ZNF438: variants seen among roughly 807,000 people sequenced by gnomAD.
The protein encoded by ZNF438 is zinc finger protein 438.
A neutral mutation model predicts 38.0 loss-of-function variants in ZNF438; 25 were observed. The ratio of observed to expected loss-of-function variants is 0.66; its 90% CI spans 0.48 to 0.92. ZNF438 has a LOEUF of 0.92. ZNF438 is among the 40% of genes least tolerant of loss of function. The pLI is 0.00. For synonymous variants in ZNF438, 372 were observed against 364.1 expected, an observed-to-expected ratio of 1.02 and a Z score of -0.25; for missense variants, 1,007 against 999.6, an observed-to-expected ratio of 1.01 and a Z score of -0.10.
intron 1 of ZNF438, among the ~76,000 whole-genome samples, chr10:31,026,826 G>C (rs996013861): frequency 2.6e-5 from 4 of 152,062 alleles, no homozygotes; most frequent in African/African-American, 9.7e-5. Context: ...CAATAGCAAA[G>C]ACTTGGAACC....
chr10:30,910,683 C>CAAAAA (rs11375197), intron 2 of ZNF438, among the ~76,000 whole-genome samples: 2 of 89,764 alleles, frequency 2.2e-5, no homozygotes, highest in South Asian at 4.4e-4. Context: ...GTATATTGGC[C>CAAAAA]AAAAAAAAAA....
chr10:30,850,475 T>TG, intron 4 of ZNF438, 108 bp from the exon 6 acceptor site: 1 of 1,303,954 alleles, frequency 7.7e-7, no homozygotes, highest in African/African-American at 1.5e-5. Context: ...TTCCTTGACC[T>TG]ACCTCCAAGC....
intron 1 of ZNF438, among the ~76,000 whole-genome samples, chr10:30,983,190 G>A (rs1032163427): frequency 1.3e-5 from 2 of 152,222 alleles, no homozygotes; most frequent in Non-Finnish European, 2.9e-5. Flanking sequence ...CAAAGAGAAA[G>A]CCTGTAACCA....
At chr10:31,023,074 C>T (rs2056715655) in intron 1 of ZNF438, among the ~76,000 whole-genome samples, 1 of 152,186 alleles carries the variant, frequency 6.6e-6, no homozygotes, top group Non-Finnish European at 1.5e-5. Flanking sequence ...ATAAATGGTA[C>T]TATGATCTAA....
At chr10:30,885,982 A>G (rs560630986) in intron 3 of ZNF438, among the ~76,000 whole-genome samples, 2 of 152,324 alleles carry the variant, frequency 1.3e-5, no homozygotes, top group South Asian at 4.1e-4. Context: ...TAGGACCAGT[A>G]AGGAAGACAA....
chr10:31,016,889 A>C (rs746208558), intron 1 of ZNF438, among the ~76,000 whole-genome samples: 1 of 152,164 alleles, frequency 6.6e-6, no homozygotes, highest in Non-Finnish European at 1.5e-5. Context: ...TGAAATAGTC[A>C]TCTCCTTTCT....
intron 1 of ZNF438, among the ~76,000 whole-genome samples, chr10:30,970,833 C>T (rs2050662452): frequency 6.6e-6 from 1 of 152,214 alleles, no homozygotes; most frequent in African/African-American, 2.4e-5. Context: ...ATAGGCTTTT[C>T]AAACCATTAA....
At chr10:30,881,179 A>C (rs1220140795) in intron 3 of ZNF438, among the ~76,000 whole-genome samples, 1 of 152,222 alleles carries the variant, frequency 6.6e-6, no homozygotes, top group Admixed American at 6.5e-5. Context: ...CAGATTGTGA[A>C]GCAAGACTTA....
At chr10:30,896,649 G>C (rs1192674527) in intron 3 of ZNF438, among the ~76,000 whole-genome samples, 1 of 152,118 alleles carries the variant, frequency 6.6e-6, no homozygotes. Flanking sequence ...GGGGGATATG[G>C]GGTTGTGGGG....
rs1292606830 is a variant in ZNF438, at chr10:30,960,699, C to T, written c.-191-19048G>A. 2.7e-5 allele frequency among the ~76,000 whole-genome samples: 4 copies of T among 146,772 alleles called. No individual in the cohort carries two copies. The East Asian group carries it at 7.7e-4, about 28-fold the overall frequency. ...TTTGAAATGGGGATGTATAAATCCT[C>T]CAATTTTGTTCTTTTACTCATTTAT... On this transcript the variant is annotated intron_variant, in intron 1 of 5. Coordinates refer to ENST00000413025, the Ensembl canonical transcript of ZNF438.
intron 2 of ZNF438, chr10:30,923,506 T>A (rs113279888): frequency 6.6e-5 from 10 of 152,356 alleles, no homozygotes; most frequent in African/African-American, 2.2e-4. Flanking sequence ...GAGGTAAGAA[T>A]CCACTTTCCA....
intron 2 of ZNF438, among the ~76,000 whole-genome samples, chr10:30,910,671 T>A (rs1260083047): frequency 7.1e-6 from 1 of 141,612 alleles, no homozygotes; most frequent in Non-Finnish European, 1.5e-5. Flanking sequence ...GAATCTTTAT[T>A]TGTATATTGG....
chr10:30,960,385 A>G (rs566820986), intron 1 of ZNF438, among the ~76,000 whole-genome samples: 1 of 147,414 alleles, frequency 6.8e-6, no homozygotes, highest in Admixed American at 6.8e-5. Flanking sequence ...GCTTTCTTTT[A>G]GAAGTTTTAT....
At chr10:30,905,654 A>G (rs1265648411) in intron 3 of ZNF438, among the ~76,000 whole-genome samples, 3 of 152,204 alleles carry the variant, frequency 2.0e-5, no homozygotes, top group African/African-American at 7.2e-5. Context: ...TACTTTTGGT[A>G]TCAATCTAAG....
chr10:30,861,786 A>T (rs1343415475), intron 4 of ZNF438, among the ~76,000 whole-genome samples: 1 of 152,212 alleles, frequency 6.6e-6, no homozygotes, highest in Non-Finnish European at 1.5e-5. Flanking sequence ...ATTTAGAAAG[A>T]TAAAGTTGTT....
chr10:30,887,683 C>CG (rs1329253553), intron 3 of ZNF438, among the ~76,000 whole-genome samples: 1 of 152,170 alleles, frequency 6.6e-6, no homozygotes, highest in Admixed American at 6.5e-5. Context: ...CCACCGCGCC[C>CG]GGCCTAAACT....
chr10:30,983,224 AC>A (rs1202695259), intron 1 of ZNF438, among the ~76,000 whole-genome samples: 1 of 152,222 alleles, frequency 6.6e-6, no homozygotes, highest in South Asian at 2.1e-4. Context: ...GTCCGCAAAC[AC>A]CATGCCCATT....
At chr10:30,978,113 T>C (rs1345331122) in intron 1 of ZNF438, among the ~76,000 whole-genome samples, 1 of 152,120 alleles carries the variant, frequency 6.6e-6, no homozygotes, top group African/African-American at 2.4e-5. Flanking sequence ...CAAGAACCAG[T>C]TGTAATTATT....
Position 30,857,651 on chromosome 10 carries a change from A to G in ZNF438, c.38-7284T>C, listed in dbSNP as rs1029410597. The G allele has an allele frequency of 4.1e-6, 6 of 1,464,186 alleles. No individual in the cohort carries two copies. In the Admixed American group the frequency reaches 1.0e-4, roughly 25 times the overall value. The allele number at this position is 1,464,186 out of a possible 1,614,324, so 90.7% of individuals were successfully genotyped here. On this transcript the variant is annotated intron_variant, in intron 4 of 5. Transcript: ENST00000413025. Reference sequence around the variant, plus strand: ...TTAATAGTCATTTGAAAGCAAAAGCATATTTTTATATTTGAATTTGCCACT... The same window carrying G: ...TTAATAGTCATTTGAAAGCAAAAGCGTATTTTTATATTTGAATTTGCCACT...
Sources: gnomAD v4.1 joint callset for allele counts (sites outside exome capture counted in the v4.1 genomes callset) on GRCh38, gnomAD v4.1.1 for gene constraint, MANE v1.5 for transcripts, NCBI Gene and HGNC (gene_info 2026-07-23, HGNC 2026-07-21) for gene names.